ARHGAP8: variants seen among roughly 807,000 people sequenced by gnomAD.
ARHGAP8 encodes the protein rho GTPase-activating protein 8.
In ARHGAP8, 62 loss-of-function variants were observed where a neutral mutation model predicts 46.1. That is an observed-to-expected ratio of 1.34 (90% CI 1.10 to 1.66). The LOEUF (loss-of-function observed/expected upper bound fraction) is 1.66. Ranked by LOEUF, ARHGAP8 falls within the 40% of genes most tolerant of loss-of-function variation. The pLI is 0.00. For synonymous variants in ARHGAP8, 375 were observed against 243.1 expected (o/e 1.54, Z -5.05); for missense variants, 923 against 568.4 (o/e 1.62, Z -6.34).
At chr22:44,771,891 G>A (rs751822938) in intron 1 of ARHGAP8, among the ~76,000 whole-genome samples, 59 of 152,192 alleles carry the variant, frequency 3.9e-4, no homozygotes, top group Middle Eastern at 6.8e-3. Context: ...CAATCTTTAT[G>A]CCTTTTTCTT....
intron 2 of ARHGAP8, among the ~76,000 whole-genome samples, chr22:44,795,225 G>C (rs1006408995): frequency 6.6e-6 from 1 of 152,050 alleles, no homozygotes; most frequent in African/African-American, 2.4e-5. Context: ...GAATGAATGA[G>C]TCAGCACTGT....
intron 10 of ARHGAP8, chr22:44,849,299 C>G (rs2070038465): frequency 3.2e-6 from 2 of 628,668 alleles, no homozygotes; most frequent in Non-Finnish European, 5.2e-6. Context: ...CCAGGCCGGT[C>G]TCTCAGGCAC....
intron 1 of ARHGAP8, among the ~76,000 whole-genome samples, chr22:44,768,277 G>C (rs906832187): frequency 8.6e-5 from 13 of 151,704 alleles, no homozygotes; most frequent in African/African-American, 3.1e-4. Flanking sequence ...TTACAGGCGT[G>C]AGCCACCGCG....
At chr22:44,860,701 T>G (rs550231420) in intron 11 of ARHGAP8, among the ~76,000 whole-genome samples, 1 of 152,146 alleles carries the variant, frequency 6.6e-6, no homozygotes, top group Admixed American at 6.5e-5. Flanking sequence ...GGCCTGGGCT[T>G]AGTGTGCTCT....
chr22:44,794,223 G>A (rs1348520939), intron 2 of ARHGAP8, among the ~76,000 whole-genome samples: 1 of 152,190 alleles, frequency 6.6e-6, no homozygotes, highest in Admixed American at 6.5e-5. Context: ...TGTGTTCTGG[G>A]GCCGTGCCAA....
chr22:44,830,855 C>T lies in ARHGAP8; in HGVS notation c.596+5262C>T, dbSNP rs549918370. 1.8e-4 allele frequency among the ~76,000 whole-genome samples: 28 copies of T among 152,196 alleles called. 1 individual carries two copies. In the East Asian group the frequency reaches 2.3e-3, roughly 13 times the overall value. On this transcript the variant is annotated intron_variant, in intron 7 of 11. Transcript: ENST00000356099. ...CGCCTGGCCTGTTTTTATTTTTTAT[C>T]GTAGCCATCCTAGTAGGTGTCAAGT...
rs771146946 is a variant in ARHGAP8, at chr22:44,862,470, G to A, written c.1177G>A (p.Ala393Thr). Reference sequence around the variant, plus strand: ...GGAGGCACCTGGGGAGCACGGCCTGGCACCATGGGAACAGGGGAGCAGGGC... The same window carrying A: ...GGAGGCACCTGGGGAGCACGGCCTGACACCATGGGAACAGGGGAGCAGGGC... ...TPEAPGEHGL[A>T]PWEQGSRAAP... The change falls in exon 12 of 12, where the codon GCA (alanine) becomes ACA (threonine). Residue 393 changes from alanine (A) to threonine (T), a missense_variant. Ala to Thr is a moderately conservative substitution (Grantham distance 58, BLOSUM62 0). Transcript: ENST00000356099. The A allele has an allele frequency of 1.2e-6, 2 of 1,613,970 alleles. No individual in the cohort carries two copies. Among genetic ancestry groups the A allele is most frequent in the South Asian group, 1.1e-5 (1 of 91,076 alleles).
At chr22:44,764,484 T>G (rs1429307357) in intron 1 of ARHGAP8, among the ~76,000 whole-genome samples, 1 of 152,106 alleles carries the variant, frequency 6.6e-6, no homozygotes, top group Non-Finnish European at 1.5e-5. Flanking sequence ...GCGACGGTGG[T>G]TCTTCCTGCT....
At chr22:44,821,198 A>G (rs79303608) in intron 5 of ARHGAP8, among the ~76,000 whole-genome samples, 20,061 of 151,832 alleles carry the variant, frequency 0.13, 1,714 homozygotes, top group East Asian at 0.35. Context: ...TTGGGAGGCC[A>G]AGGCGGGCGG....
At chr22:44,823,974 T>TA (rs1418834421) in intron 6 of ARHGAP8, among the ~76,000 whole-genome samples, 3 of 152,094 alleles carry the variant, frequency 2.0e-5, no homozygotes, top group African/African-American at 7.2e-5. Flanking sequence ...CCCTGTTCCA[T>TA]AGCCATGCAG....
At chr22:44,778,081 T>C (rs1926556800) in intron 1 of ARHGAP8, among the ~76,000 whole-genome samples, 1 of 151,996 alleles carries the variant, frequency 6.6e-6, no homozygotes, top group Non-Finnish European at 1.5e-5. Context: ...TGTGGCTACA[T>C]GAGTACGTTC....
intron 7 of ARHGAP8, among the ~76,000 whole-genome samples, chr22:44,830,679 G>A (rs1455449539): frequency 1.3e-5 from 2 of 152,024 alleles, no homozygotes; most frequent in South Asian, 2.1e-4. Context: ...TGTGACTACA[G>A]GTATGTGCCA....
intron 10 of ARHGAP8, among the ~76,000 whole-genome samples, chr22:44,855,338 A>AT (rs1198335739): frequency 6.6e-6 from 1 of 151,792 alleles, no homozygotes; most frequent in Non-Finnish European, 1.5e-5. Context: ...ATTTTTAAAT[A>AT]TTTTTTTGTA....
intron 6 of ARHGAP8, among the ~76,000 whole-genome samples, chr22:44,824,720 C>T (rs2147121203): frequency 6.6e-6 from 1 of 151,486 alleles, no homozygotes; most frequent in South Asian, 2.1e-4. Context: ...GCAACCTCCA[C>T]CTCCTGGGTT....
intron 10 of ARHGAP8, among the ~76,000 whole-genome samples, chr22:44,858,722 T>C (rs1387263521): frequency 7.2e-6 from 1 of 138,782 alleles, no homozygotes; most frequent in East Asian, 2.0e-4. Flanking sequence ...TAGATGTGGT[T>C]ATAAGGGTAA....
chr22:44,841,284 A>G (rs573813371), intron 7 of ARHGAP8, among the ~76,000 whole-genome samples: 20 of 152,212 alleles, frequency 1.3e-4, no homozygotes, highest in Non-Finnish European at 1.8e-4. Flanking sequence ...TGATTTGCCG[A>G]TTGTACTGTA....
chr22:44,858,383 T>C (rs2070302905), intron 10 of ARHGAP8, among the ~76,000 whole-genome samples: 2 of 147,528 alleles, frequency 1.4e-5, no homozygotes, highest in Non-Finnish European at 3.0e-5. Flanking sequence ...TTTTTTTTTT[T>C]TGAGATGGAG....
chr22:44,856,428 C>T (rs889457961), intron 10 of ARHGAP8, among the ~76,000 whole-genome samples: 2 of 152,038 alleles, frequency 1.3e-5, no homozygotes, highest in Non-Finnish European at 1.5e-5. Context: ...CACCCGCCAC[C>T]ACGCCTGGCT....
At chr22:44,848,832 C>T (rs772199520) in intron 9 of ARHGAP8, 100 bp from the exon 10 acceptor site, 167 of 1,565,232 alleles carry the variant, frequency 1.1e-4, no homozygotes, top group Non-Finnish European at 1.4e-4. Context: ...TCAGGTGCGT[C>T]CCATCCGGAC....
Sources: allele counts gnomAD v4.1 joint callset (sites outside exome capture counted in the v4.1 genomes callset), GRCh38; gene constraint gnomAD v4.1.1; transcripts MANE v1.5; gene names NCBI Gene and HGNC (gene_info 2026-07-23, HGNC 2026-07-21).